DNM3: variants seen among roughly 807,000 people sequenced by gnomAD.
DNM3 encodes dynamin-3.
DNM3 carries 47 observed loss-of-function variants against 101.6 expected under a neutral mutation model. The observed-to-expected ratio is 0.46, with a 90% CI of 0.37 to 0.59. The LOEUF (loss-of-function observed/expected upper bound fraction) is 0.59. Ranked by LOEUF, DNM3 falls within the 20% of genes least tolerant of loss-of-function variation. The pLI is 0.00. For missense variants in DNM3, 849 were observed against 1,085.7 expected, an observed-to-expected ratio of 0.78 and a Z score of 3.06; for synonymous variants, 385 against 387.9, an observed-to-expected ratio of 0.99 and a Z score of 0.09.
At chr1:172,208,311 A>T (rs2060392856) in intron 14 of DNM3, among the ~76,000 whole-genome samples, 1 of 152,128 alleles carries the variant, frequency 6.6e-6, no homozygotes, top group African/African-American at 2.4e-5. Context: ...TGATGTGATG[A>T]TTAATTTTAT....
intron 2 of DNM3, among the ~76,000 whole-genome samples, chr1:171,955,934 T>C (rs1465887098): frequency 6.6e-6 from 1 of 152,138 alleles, no homozygotes; most frequent in African/African-American, 2.4e-5. Flanking sequence ...CTTTATAAAA[T>C]GATCAATCTC....
intron 17 of DNM3, among the ~76,000 whole-genome samples, chr1:172,324,713 T>C (rs1411688948): frequency 1.3e-5 from 2 of 152,208 alleles, no homozygotes; most frequent in East Asian, 3.9e-4. Context: ...TTTTAGTTCT[T>C]ATACCATAAA....
At chr1:171,941,592 C>A (rs1164974770) in intron 2 of DNM3, among the ~76,000 whole-genome samples, 1 of 152,174 alleles carries the variant, frequency 6.6e-6, no homozygotes, top group African/African-American at 2.4e-5. Context: ...ACCATAGAGT[C>A]CATCTTGGTG....
At chr1:172,151,687 G>A (rs1294408280) in intron 14 of DNM3, among the ~76,000 whole-genome samples, 4 of 152,102 alleles carry the variant, frequency 2.6e-5, no homozygotes, top group African/African-American at 9.7e-5. Context: ...TTGAGAATAT[G>A]TGGGGTGGTC....
intron 15 of DNM3, among the ~76,000 whole-genome samples, chr1:172,304,298 A>C (rs1322821641): frequency 6.6e-6 from 1 of 151,412 alleles, no homozygotes; most frequent in African/African-American, 2.4e-5. Flanking sequence ...GAAGGCCATT[A>C]CATAATGGTA....
chr1:172,078,178 C>T (rs369489337), intron 11 of DNM3, among the ~76,000 whole-genome samples: 133 of 152,180 alleles, frequency 8.7e-4, no homozygotes, highest in African/African-American at 3.0e-3. Context: ...CTGCAAGCTC[C>T]GCCTCCTGGG....
intron 2 of DNM3, among the ~76,000 whole-genome samples, chr1:171,956,839 C>T (rs928525879): frequency 6.6e-6 from 1 of 152,184 alleles, no homozygotes; most frequent in African/African-American, 2.4e-5. Flanking sequence ...TTCTGTGCCC[C>T]CGCAGACTCA....
chr1:171,869,961 TAA>T (rs1326043049), intron 1 of DNM3, among the ~76,000 whole-genome samples: 3 of 152,200 alleles, frequency 2.0e-5, no homozygotes, highest in Non-Finnish European at 4.4e-5. Flanking sequence ...TTTTCTTCAC[TAA>T]TCATTTGGGT....
intron 12 of DNM3, among the ~76,000 whole-genome samples, chr1:172,082,403 A>C (rs540298218): frequency 4.6e-4 from 70 of 151,204 alleles, no homozygotes; most frequent in Non-Finnish European, 8.8e-4. Context: ...TAAAGTGTGT[A>C]TACAAATATT....
intron 15 of DNM3, among the ~76,000 whole-genome samples, chr1:172,298,450 C>T (rs1019003285): frequency 1.1e-4 from 17 of 152,324 alleles, no homozygotes; most frequent in African/African-American, 4.1e-4. Context: ...AGCCCCTCCA[C>T]ACCTTCTTAG....
intron 16 of DNM3, among the ~76,000 whole-genome samples, chr1:172,319,074 A>G (rs1239498474): frequency 2.0e-5 from 3 of 152,174 alleles, no homozygotes; most frequent in African/African-American, 7.2e-5. Flanking sequence ...AGCCCTCAGA[A>G]ATAACGCCGC....
chr1:172,223,541 C>T (rs912731774), intron 14 of DNM3, among the ~76,000 whole-genome samples: 1 of 152,076 alleles, frequency 6.6e-6, no homozygotes, highest in South Asian at 2.1e-4. Context: ...ACTCCATCTC[C>T]TCTTGGATGT....
intron 1 of DNM3, among the ~76,000 whole-genome samples, chr1:171,871,260 A>G (rs2035255450): frequency 6.6e-6 from 1 of 152,220 alleles, no homozygotes; most frequent in African/African-American, 2.4e-5. Flanking sequence ...TGGCAACTCA[A>G]ATTGACAGGA....
At chr1:171,962,206 C>A (rs1251473046) in intron 2 of DNM3, among the ~76,000 whole-genome samples, 1 of 152,230 alleles carries the variant, frequency 6.6e-6, no homozygotes, top group Non-Finnish European at 1.5e-5. Flanking sequence ...AAGATCCAAT[C>A]AACTCTTAGA....
chr1:172,410,389 G>T lies in DNM3; in HGVS notation c.*2548G>T. On this transcript the variant is annotated 3_prime_UTR_variant, in exon 21 of 21. Transcript: ENST00000627582. ...TAATTTTCTCTTAACTGATTGCTCT[G>T]ATATTGTAAACACAATAGATGTAGC... is the stretch of plus-strand genomic sequence containing the variant. The T allele has an allele frequency of 1.0e-6, 1 of 985,090 alleles. No individual in the cohort carries two copies. The highest frequency in any genetic ancestry group is 1.2e-6 in the Non-Finnish European group (1 of 829,670). 61.0% of individuals were successfully genotyped at this position (985,090 alleles called of 1,614,324 possible).
intron 14 of DNM3, among the ~76,000 whole-genome samples, chr1:172,162,320 G>T (rs140416802): frequency 6.6e-6 from 1 of 152,056 alleles, no homozygotes; most frequent in South Asian, 2.1e-4. Context: ...CTTAGAGAAT[G>T]CATGATTTAT....
At chr1:172,006,650 T>C (rs2046711491) in intron 4 of DNM3, among the ~76,000 whole-genome samples, 1 of 152,086 alleles carries the variant, frequency 6.6e-6, no homozygotes, top group Admixed American at 6.6e-5. Flanking sequence ...TCTTTCAACT[T>C]ATTGTGGTTA....
At chr1:172,032,278 T>A (rs2048664507) in intron 4 of DNM3, 124 bp from the exon 5 acceptor site, 1 of 742,322 alleles carries the variant, frequency 1.3e-6, no homozygotes, top group South Asian at 1.9e-5. Flanking sequence ...GAAAACAAAG[T>A]AAGACAGAAG....
rs12093518 is a variant in DNM3, at chr1:171,861,360, A to G, written c.161+19543A>G. ...TTCCCAGTTCTAAAACTTACTACAA[A>G]TCAGTGTAATACTGGTGTAAATATA... is the stretch of plus-strand genomic sequence containing the variant. On this transcript the variant is annotated intron_variant, in intron 1 of 20. Coordinates refer to ENST00000627582, the MANE Select transcript of DNM3 (RefSeq NM_015569.5). Among the ~76,000 whole-genome samples, 1,278 of 152,276 alleles carry G rather than the reference A, an allele frequency of 8.4e-3. 25 individuals are homozygous for G. The highest frequency in any genetic ancestry group is 0.029 in the African/African-American group (1,221 of 41,554).
Sources: gnomAD v4.1 joint callset for allele counts (sites outside exome capture counted in the v4.1 genomes callset) on GRCh38, gnomAD v4.1.1 for gene constraint, MANE v1.5 for transcripts, NCBI Gene and HGNC (gene_info 2026-07-23, HGNC 2026-07-21) for gene names.